PGPEP1L: variants seen among roughly 807,000 people sequenced by gnomAD.
PGPEP1L encodes the protein pyroglutamyl-peptidase 1-like protein.
A neutral mutation model predicts 6.0 loss-of-function variants in PGPEP1L; 7 were observed. The observed-to-expected ratio is 1.17, with a 90% confidence interval of 0.66 to 2.19. The LOEUF is 2.19. Among genes scored for constraint, PGPEP1L ranks in the 30% most tolerant of loss-of-function variants. The pLI, the probability that PGPEP1L is intolerant of heterozygous loss-of-function variation, is 0.00. For synonymous variants in PGPEP1L, 103 were observed against 83.9 expected (o/e 1.23, Z -1.24); for missense variants, 209 against 192.5 (o/e 1.09, Z -0.51).
chr15:98,996,739 T>C (rs558995015), intron 2 of PGPEP1L, among the ~76,000 whole-genome samples: 219 of 152,236 alleles, frequency 1.4e-3, no homozygotes, highest in African/African-American at 5.1e-3. Context: ...CTTTACCTTC[T>C]GCTTGCCCAG....
intron 2 of PGPEP1L, among the ~76,000 whole-genome samples, chr15:99,002,847 CTG>C (rs1436541095): frequency 6.6e-6 from 1 of 152,088 alleles, no homozygotes; most frequent in Non-Finnish European, 1.5e-5. Flanking sequence ...CCTCTGATTC[CTG>C]TGACATATTT....
At chr15:98,968,798 G>A in intron 4 of PGPEP1L, 101 bp from the exon 5 acceptor site, 1 of 1,058,826 alleles carries the variant, frequency 9.4e-7, no homozygotes. Context: ...GCCTGAGGAG[G>A]GAGCACTGCC....
chr15:98,990,024 A>G (rs186211466), intron 2 of PGPEP1L, among the ~76,000 whole-genome samples: 1 of 152,346 alleles, frequency 6.6e-6, no homozygotes, highest in Admixed American at 6.5e-5. Flanking sequence ...CCACTGCGAA[A>G]CCATACCAAA....
Position 99,007,470 on chromosome 15 carries a change from C to T in PGPEP1L, c.-481G>A, listed in dbSNP as rs1267807652. 6.6e-6 allele frequency: 1 copy of T among 152,228 alleles called. No individual in the cohort carries two copies. Among genetic ancestry groups the T allele is most frequent in the Non-Finnish European group, 1.5e-5 (1 of 68,106 alleles). 9.4% of individuals were successfully genotyped at this position (152,228 alleles called of 1,614,324 possible). A position where few individuals can be genotyped will look rare whatever the true frequency, so the allele number is the denominator to read the frequency against. Reference sequence around the variant, plus strand: ...TTACAGTTTTTAAAGGCAGCGTGTCCCAAGTTTGTTTCTTCTGATGCTCGC... The same window carrying T: ...TTACAGTTTTTAAAGGCAGCGTGTCTCAAGTTTGTTTCTTCTGATGCTCGC... On this transcript the variant is annotated 5_prime_UTR_variant, in exon 1 of 5. Transcript: ENST00000535714.
At chr15:98,992,700 T>C (rs1160726056) in intron 2 of PGPEP1L, among the ~76,000 whole-genome samples, 2 of 152,146 alleles carry the variant, frequency 1.3e-5, no homozygotes, top group Non-Finnish European at 2.9e-5. Flanking sequence ...CAAACTATAC[T>C]ACAAGGCTGC....
chr15:98,969,311 C>T lies in PGPEP1L; in HGVS notation c.209+114G>A, dbSNP rs533037757. The T allele has an allele frequency of 2.2e-6, 3 of 1,341,310 alleles. No individual in the cohort carries two copies. In the South Asian group the frequency reaches 3.7e-5, roughly 17 times the overall value. The allele number at this position is 1,341,310 out of a possible 1,614,324, so 83.1% of individuals were successfully genotyped here. On this transcript the variant is annotated intron_variant, in intron 4 of 4. Transcript: ENST00000535714. ...GAGGGGCAATCTGGGGGCGGCACCG[C>T]ATGGCCAAGTGGCCAGCTGGACGAT... is the stretch of plus-strand genomic sequence containing the variant.
intron 3 of PGPEP1L, 149 bp from the exon 4 acceptor site, chr15:98,969,800 C>A: frequency 1.4e-6 from 1 of 716,252 alleles, no homozygotes; most frequent in Non-Finnish European, 2.3e-6. Context: ...CAGGATCCCC[C>A]ACCAGTGTCT....
At chr15:98,978,144 G>A (rs1283746128) in intron 2 of PGPEP1L, among the ~76,000 whole-genome samples, 6 of 152,134 alleles carry the variant, frequency 3.9e-5, no homozygotes, top group Non-Finnish European at 7.3e-5. Flanking sequence ...AGATCTTTTC[G>A]GTTCATTAGT....
chr15:98,996,757 G>A (rs1555472542), intron 2 of PGPEP1L, among the ~76,000 whole-genome samples: 1 of 152,116 alleles, frequency 6.6e-6, no homozygotes, highest in African/African-American at 2.4e-5. Flanking sequence ...CAGCCATGCA[G>A]AGGCTCTATC....
intron 2 of PGPEP1L, among the ~76,000 whole-genome samples, chr15:98,978,572 A>C (rs1194813380): frequency 6.6e-6 from 1 of 151,990 alleles, no homozygotes; most frequent in Non-Finnish European, 1.5e-5. Context: ...CCCAAAAAAA[A>C]CTGTGTAGAA....
intron 2 of PGPEP1L, among the ~76,000 whole-genome samples, chr15:98,983,732 C>CAA (rs1301751374): frequency 6.6e-6 from 1 of 152,200 alleles, no homozygotes; most frequent in Non-Finnish European, 1.5e-5. Context: ...GCACATACTG[C>CAA]AAACAGCATT....
In PGPEP1L at chr15:98,968,491, G is replaced by A. The variant is rs768834021; in HGVS notation, c.416C>T (p.Ala139Val). 6.2e-7 allele frequency: 1 copy of A among 1,613,258 alleles called. No individual in the cohort carries two copies. ...GCAATCCCCCGGTCAGTTCCCTTTG[G>A]CTGGAAGGACCATGGTTGAGTTTTC... ...FEENSTMVLP[A>V]KGN The change falls in exon 5 of 5, where the codon GCC becomes GTC. Residue 139 changes from alanine (A) to valine (V), a missense_variant. By Grantham distance (64) the Ala-to-Val change is moderately conservative. Transcript: ENST00000535714.
At chr15:99,004,981 G>A (rs1320310847) in intron 2 of PGPEP1L, among the ~76,000 whole-genome samples, 5 of 152,034 alleles carry the variant, frequency 3.3e-5, no homozygotes, top group Non-Finnish European at 7.4e-5. Context: ...TTTGCGGGTG[G>A]CTGTTGTAGA....
rs1182958146 is a variant in PGPEP1L at position 98,968,511 on chromosome 15, G to A, written c.396C>T (p.Asn132=). Residue 132 remains asparagine (N), a synonymous_variant, in exon 5 of 5, where the codon AAC becomes AAT. Coordinates refer to ENST00000535714, the MANE Select transcript of PGPEP1L (RefSeq NM_001167902.2). ...KPKHRAQFEE[N]STMVLPAKGN ...CTTTGGCTGGAAGGACCATGGTTGA[G>A]TTTTCTTCGAACTGGGCTCTGTGCT... is the stretch of plus-strand genomic sequence containing the variant. The A allele has an allele frequency of 3.7e-6, 6 of 1,613,568 alleles. No homozygotes were observed. The Admixed American group carries it at 8.3e-5, about 22-fold the overall frequency.
intron 2 of PGPEP1L, among the ~76,000 whole-genome samples, chr15:98,989,075 A>G (rs1555471782): frequency 6.6e-6 from 1 of 152,192 alleles, no homozygotes; most frequent in African/African-American, 2.4e-5. Flanking sequence ...ATGCCTCTTC[A>G]CCTCAAAAGG....
At chr15:99,004,839 A>C (rs1419034125) in intron 2 of PGPEP1L, among the ~76,000 whole-genome samples, 4 of 151,662 alleles carry the variant, frequency 2.6e-5, no homozygotes, top group Non-Finnish European at 4.4e-5. Context: ...TGTTTGCAGG[A>C]GTGAGCAGCC....
chr15:98,978,757 G>A (rs1441720022), intron 2 of PGPEP1L, among the ~76,000 whole-genome samples: 1 of 121,464 alleles, frequency 8.2e-6, no homozygotes, highest in African/African-American at 3.3e-5. Flanking sequence ...TTGAGGCACA[G>A]TCTTGCTCTG....
chr15:98,985,278 C>T (rs183950698), intron 2 of PGPEP1L, among the ~76,000 whole-genome samples: 1 of 152,200 alleles, frequency 6.6e-6, no homozygotes, highest in South Asian at 2.1e-4. Context: ...GTGGCTCACA[C>T]CTGTAATCCT....
chr15:98,968,567 G>C lies in PGPEP1L; in HGVS notation c.340C>G (p.Gln114Glu), dbSNP rs772267707. ...LLGRALRVII[Q>E]EMLEEVGKPK... ...TTTCCCACCTCTTCCAGCATTTCCT[G>C]GATGATGACTCTCAAGGCTCTTCCC... Residue 114 changes from glutamine to glutamate, a missense_variant, in exon 5 of 5, where the codon CAG (glutamine) becomes GAG (glutamate). Coordinates refer to ENST00000535714, the MANE Select transcript of PGPEP1L (RefSeq NM_001167902.2). 11 of 1,579,948 alleles carry C rather than the reference G, an allele frequency of 7.0e-6. No homozygotes were observed. Among genetic ancestry groups the C allele is most frequent in the Non-Finnish European group, 8.6e-6 (10 of 1,160,966 alleles).
Sources: allele counts gnomAD v4.1 joint callset (sites outside exome capture counted in the v4.1 genomes callset), GRCh38; gene constraint gnomAD v4.1.1; transcripts MANE v1.5; gene names NCBI Gene and HGNC (gene_info 2026-07-23, HGNC 2026-07-21).